WASHC2C: variants seen among roughly 807,000 people sequenced by gnomAD.
WASHC2C encodes the protein Vaccinia Penetration Factor.
Under a neutral mutation model 142.2 loss-of-function variants are expected in WASHC2C, and 73 were observed. The ratio of observed to expected loss-of-function variants is 0.51; its 90% CI spans 0.43 to 0.62. The LOEUF is 0.62. Among genes scored for constraint, WASHC2C ranks in the 20% least tolerant of loss-of-function variants. WASHC2C has a pLI of 0.00. For missense variants in WASHC2C, 969 were observed against 1,531.7 expected (o/e 0.63, Z 6.13); for synonymous variants, 337 against 565.5 (o/e 0.60, Z 5.73).
chr10:45,757,677 C>T (rs1452143811), intron 16 of WASHC2C, among the ~76,000 whole-genome samples: 1 of 151,876 alleles, frequency 6.6e-6, no homozygotes, highest in Non-Finnish European at 1.5e-5. Flanking sequence ...CTCTCTTGTC[C>T]CCAAAATGCC....
intron 5 of WASHC2C, among the ~76,000 whole-genome samples, chr10:45,742,278 TG>T (rs1359241029): frequency 2.6e-5 from 4 of 152,376 alleles, no homozygotes; most frequent in South Asian, 4.1e-4. Flanking sequence ...TAGGGGGTAT[TG>T]TTCTTCTGTT....
chr10:45,741,167 C>T (rs1294148956), intron 5 of WASHC2C, among the ~76,000 whole-genome samples: 2 of 152,070 alleles, frequency 1.3e-5, no homozygotes, highest in Admixed American at 6.6e-5. Flanking sequence ...AGGCTGGTCT[C>T]GAACTCCCAA....
intron 27 of WASHC2C, 158 bp from the exon 28 acceptor site, chr10:45,786,877 T>C: frequency 1.3e-6 from 2 of 1,579,654 alleles, no homozygotes; most frequent in Non-Finnish European, 1.7e-6. Flanking sequence ...TGTAAGACGC[T>C]CTGTTTTAAT....
chr10:45,738,793 C>T (rs1477204742), intron 4 of WASHC2C, among the ~76,000 whole-genome samples: 1 of 152,212 alleles, frequency 6.6e-6, no homozygotes, highest in East Asian at 1.9e-4. Context: ...CAACCTCTGC[C>T]TCCTGGGTGC....
chr10:45,760,900 C>T (rs2054983890), intron 17 of WASHC2C, among the ~76,000 whole-genome samples: 1 of 151,120 alleles, frequency 6.6e-6, no homozygotes, highest in Non-Finnish European at 1.5e-5. Flanking sequence ...ATTTGTATCC[C>T]TAACACCCCG....
chr10:45,734,978 C>T (rs1443025363), intron 3 of WASHC2C, among the ~76,000 whole-genome samples: 1 of 152,016 alleles, frequency 6.6e-6, no homozygotes, highest in Non-Finnish European at 1.5e-5. Flanking sequence ...TCTTCATTGA[C>T]TATTATGTAT....
intron 26 of WASHC2C, 45 bp from the exon 27 acceptor site, chr10:45,786,567 T>C (rs782568856): frequency 1.9e-6 from 3 of 1,609,066 alleles, no homozygotes; most frequent in Non-Finnish European, 1.7e-6. Flanking sequence ...ACACTTGTCT[T>C]TCTGTTTCCC....
chr10:45,788,799 G>A (rs2058230583), intron 28 of WASHC2C, 72 bp from the exon 29 acceptor site: 4 of 1,611,548 alleles, frequency 2.5e-6, no homozygotes, highest in Non-Finnish European at 3.4e-6. Context: ...TTGAGTCACT[G>A]ATTCTTTGCC....
At chr10:45,735,799 G>A (rs1803373867) in intron 3 of WASHC2C, among the ~76,000 whole-genome samples, 1 of 152,162 alleles carries the variant, frequency 6.6e-6, no homozygotes, top group Admixed American at 6.5e-5. Flanking sequence ...AAAGATGGGT[G>A]GACAGGAGCC....
chr10:45,767,042 A>T (rs1554882675), intron 19 of WASHC2C, among the ~76,000 whole-genome samples: 1 of 151,966 alleles, frequency 6.6e-6, no homozygotes. Flanking sequence ...TGAGGCAGGC[A>T]GATCACTTGA....
At chr10:45,749,836 A>AAAAAAAAAATATATATAT (rs1227809519) in intron 8 of WASHC2C, among the ~76,000 whole-genome samples, 4 of 101,778 alleles carry the variant, frequency 3.9e-5, no homozygotes, top group African/African-American at 1.7e-4. Flanking sequence ...AAAAAAAAAA[A>AAAAAAAAAATATATATAT]ATATATATAT....
intron 8 of WASHC2C, among the ~76,000 whole-genome samples, chr10:45,747,221 A>T (rs2052942498): frequency 1.3e-5 from 2 of 151,992 alleles, no homozygotes; most frequent in Admixed American, 1.3e-4. Context: ...GCTCACTGCA[A>T]CCTCCGCCTC....
intron 26 of WASHC2C, among the ~76,000 whole-genome samples, chr10:45,786,119 C>A (rs1554889949): frequency 6.6e-6 from 1 of 152,164 alleles, no homozygotes; most frequent in African/African-American, 2.4e-5. Flanking sequence ...GTGACAGTTC[C>A]ACGTGCAGGT....
intron 3 of WASHC2C, among the ~76,000 whole-genome samples, chr10:45,732,002 TAGCCA>T (rs2050663277): frequency 6.6e-6 from 1 of 152,032 alleles, no homozygotes; most frequent in Non-Finnish European, 1.5e-5. Context: ...TTCACCGTGT[TAGCCA>T]GGATGGTCTC....
At chr10:45,780,670 A>G (rs1421203167) in intron 23 of WASHC2C, among the ~76,000 whole-genome samples, 3 of 152,228 alleles carry the variant, frequency 2.0e-5, no homozygotes, top group Admixed American at 2.0e-4. Flanking sequence ...GAAGGATGTA[A>G]GATCAATATG....
chr10:45,742,151 C>T (rs2052154680), intron 5 of WASHC2C, among the ~76,000 whole-genome samples: 1 of 152,122 alleles, frequency 6.6e-6, no homozygotes, highest in Non-Finnish European at 1.5e-5. Context: ...AGACGGCTGA[C>T]ATGGGCAGAT....
intron 3 of WASHC2C, 29 bp from the exon 4 acceptor site, chr10:45,737,954 T>C (rs1554865476): frequency 6.2e-7 from 1 of 1,611,842 alleles, no homozygotes; most frequent in South Asian, 1.1e-5. Flanking sequence ...GTGTTGACCT[T>C]TTAACATTGA....
At chr10:45,758,889 A>T (rs1262520287) in intron 16 of WASHC2C, among the ~76,000 whole-genome samples, 3 of 148,424 alleles carry the variant, frequency 2.0e-5, no homozygotes, top group Non-Finnish European at 4.5e-5. Flanking sequence ...AGCCCTTCTG[A>T]CTGCTTGTCC....
rs2058438852 is a variant in WASHC2C at position 45,792,338 on chromosome 10, A to G, written c.3964A>G (p.Arg1322Gly). The change falls in exon 31 of 31, where the codon AGA (arginine) becomes GGA (glycine). Residue 1322 changes from arginine to glycine, a missense_variant. Arg to Gly is a moderately radical substitution (Grantham distance 125). Transcript: ENST00000623400. ...ATCTGCACAGGCCGCACCTGAACCAAGATTTGAACACAAGGTGTCCAACAT... is the reference window on the plus strand; with the variant it reads ...ATCTGCACAGGCCGCACCTGAACCAGGATTTGAACACAAGGTGTCCAACAT... ...SRSAQAAPEP[R>G]FEHKVSNIFD... The G allele has an allele frequency of 8.9e-6, 14 of 1,565,722 alleles. 3 individuals carry two copies. Among genetic ancestry groups the G allele is most frequent in the Non-Finnish European group, 1.2e-5 (14 of 1,146,936 alleles).
Sources: gnomAD v4.1 joint callset for allele counts (sites outside exome capture counted in the v4.1 genomes callset) on GRCh38, gnomAD v4.1.1 for gene constraint, MANE v1.5 for transcripts, NCBI Gene and HGNC (gene_info 2026-07-23, HGNC 2026-07-21) for gene names.